Variants in INTS5 observed in about 807,000 individuals in gnomAD.
INTS5 encodes integrator complex subunit 5.
In INTS5, 29 loss-of-function variants were observed where a neutral mutation model predicts 60.0. The observed-to-expected ratio is 0.48, with a 90% confidence interval of 0.36 to 0.66. INTS5 has a LOEUF of 0.66. Ranked by LOEUF, INTS5 falls within the 30% of genes least tolerant of loss-of-function variation. INTS5 has a pLI of 0.00. For synonymous variants in INTS5, 588 were observed against 558.8 expected (o/e 1.05, Z -0.74); for missense variants, 1,129 against 1,307.9 (o/e 0.86, Z 2.11).
At position 62,647,010 on chromosome 11, in the gene INTS5, CAAGAA is replaced by C. The variant is rs1368280451; in HGVS notation, c.*5_*9del. 2 of 1,598,940 alleles carry C rather than the reference CAAGAA, an allele frequency of 1.3e-6. No individual in the cohort carries two copies. Among genetic ancestry groups the C allele is most frequent in the Non-Finnish European group, 1.7e-6 (2 of 1,169,506 alleles). On this transcript the variant is annotated 3_prime_UTR_variant, in exon 2 of 2. Coordinates refer to ENST00000330574, the MANE Select transcript of INTS5 (RefSeq NM_030628.2). ...GCTCAACCTCCCTGGGCTTCCAGAG[CAAGAA>C]AAGGCTACGTCCCCTGTCGAAGGAG...
At position 62,649,119 on chromosome 11, in the gene INTS5, G is replaced by A. The variant is rs1269093126; in HGVS notation, c.961C>T (p.Leu321=). ...CTGCGGCCTCCAGATCCCCCTGCCAGGCTATCATGGAACATTCGCAGGAGC... is the reference window on the plus strand; with the variant it reads ...CTGCGGCCTCCAGATCCCCCTGCCAAGCTATCATGGAACATTCGCAGGAGC... The part of the protein sequence containing the change: ...RELLRMFHDS[L]AGGSGGRSGD... Residue 321 remains leucine, a synonymous_variant, in exon 2 of 2, where the codon CTG becomes TTG. Coordinates refer to ENST00000330574, the MANE Select transcript of INTS5 (RefSeq NM_030628.2). This position sits in a 1 kb window ranked among gnomAD's most constrained non-coding sequence, Gnocchi z 6.0. 1 of 1,611,626 alleles carries A rather than the reference G, an allele frequency of 6.2e-7. No homozygotes were observed. The highest frequency in any genetic ancestry group is 2.2e-5 in the East Asian group (1 of 44,782).
Position 62,648,914 on chromosome 11 carries a change from T to C in INTS5, c.1166A>G (p.Asn389Ser). Residue 389 changes from asparagine (N) to serine (S), a missense_variant, in exon 2 of 2, where the codon AAC becomes AGC. Asn to Ser is a conservative substitution (Grantham distance 46, BLOSUM62 1). Around this residue, in one of 3 missense-constraint regions of INTS5, gnomAD observed 1,070 missense variants for 1,246.1 expected, o/e 0.86. Coordinates refer to ENST00000330574, the MANE Select transcript of INTS5 (RefSeq NM_030628.2). The surrounding 1 kb of genome is among the most constrained non-coding windows in gnomAD (Gnocchi z 4.4). ...FPREELDNML[N>S]LAVHLVSQAS... ...CTGGCTCACCAGGTGCACAGCCAGGTTCAACATGTTGTCCAGCTCCTCTCG... is the reference window on the plus strand; with the variant it reads ...CTGGCTCACCAGGTGCACAGCCAGGCTCAACATGTTGTCCAGCTCCTCTCG... The C allele has an allele frequency of 6.2e-7, 1 of 1,613,220 alleles. No homozygotes were observed. The highest frequency in any genetic ancestry group is 8.5e-7 in the Non-Finnish European group (1 of 1,179,582).
chr11:62,653,133 CGCGCGATGGGGGGAAGGT>C lies in INTS5; in HGVS notation c.80+19_80+36del, dbSNP rs1944609693. The C allele has an allele frequency of 8.3e-7, 1 of 1,202,378 alleles. No homozygotes were observed. The highest frequency in any genetic ancestry group is 1.1e-6 in the Non-Finnish European group (1 of 946,104). 74.5% of individuals were successfully genotyped at this position (1,202,378 alleles called of 1,614,324 possible). A position where few individuals can be genotyped will look rare whatever the true frequency, so the allele number is the denominator to read the frequency against. On this transcript the variant is annotated intron_variant, in intron 1 of 1. Coordinates refer to ENST00000330574, the MANE Select transcript of INTS5 (RefSeq NM_030628.2). ...AGAAGGCTAGGGATCGGCGCGGGGC[CGCGCGATGGGGGGAAGGT>C]GCCAAGGGCTCTAACTACCTGAGAG... is the stretch of plus-strand genomic sequence containing the variant.
rs1258857324 is a variant in INTS5, at chr11:62,649,059, G to A, written c.1021C>T (p.Leu341=). The A allele has an allele frequency of 1.2e-6, 2 of 1,611,416 alleles. No homozygotes were observed. The highest frequency in any genetic ancestry group is 2.7e-5 in the African/African-American group (2 of 74,886). Residue 341 remains leucine, a synonymous_variant, in exon 2 of 2, where the codon CTA becomes TTA. Coordinates refer to ENST00000330574, the MANE Select transcript of INTS5 (RefSeq NM_030628.2). The surrounding 1 kb of genome is among the most constrained non-coding windows in gnomAD (Gnocchi z 6.0). ...GGTGACATGACTGCCAGCTGCAGTAGGAACGGAACCGTGGCCTGAAGGGAG... is the reference window on the plus strand; with the variant it reads ...GGTGACATGACTGCCAGCTGCAGTAAGAACGGAACCGTGGCCTGAAGGGAG... ...DPSLQATVPF[L]LQLAVMSPAL...
chr11:62,652,606 C>T (rs1329368472), intron 1 of INTS5, among the ~76,000 whole-genome samples: 4 of 152,078 alleles, frequency 2.6e-5, no homozygotes, highest in Non-Finnish European at 2.9e-5. Flanking sequence ...CAACCCTTTC[C>T]CTCCTAAAAC....
Position 62,649,187 on chromosome 11 carries a change from A to C in INTS5, c.893T>G (p.Leu298Arg). 6.2e-7 allele frequency: 1 copy of C among 1,613,882 alleles called. No homozygotes were observed. The highest frequency in any genetic ancestry group is 1.1e-5 in the South Asian group (1 of 91,084). ...VPKIASVVGI[L>R]GHLASRHGDS... ...TCCGTGGCGGGAGGCCAGGTGACCTAGGATGCCTACAACTGAGGCAATCTT... is the reference window on the plus strand; with the variant it reads ...TCCGTGGCGGGAGGCCAGGTGACCTCGGATGCCTACAACTGAGGCAATCTT... Residue 298 changes from leucine to arginine, a missense_variant, in exon 2 of 2, where the codon CTA becomes CGA. By Grantham distance (102) the Leu-to-Arg change is moderately radical. Coordinates refer to ENST00000330574, the MANE Select transcript of INTS5 (RefSeq NM_030628.2). The surrounding 1 kb of genome is among the most constrained non-coding windows in gnomAD (Gnocchi z 6.0).
chr11:62,650,052 CT>C, intron 1 of INTS5, 53 bp from the exon 2 acceptor site: 2 of 1,389,310 alleles, frequency 1.4e-6, no homozygotes, highest in Non-Finnish European at 2.0e-6. Flanking sequence ...TGTTAGGCAA[CT>C]TACCTTTCCT....
rs183259236 is a variant in INTS5, at chr11:62,648,367, C to A, written c.1713G>T (p.Thr571=). Residue 571 remains threonine, a synonymous_variant, in exon 2 of 2, where the codon ACG becomes ACT. Transcript: ENST00000330574. This position sits in a 1 kb window ranked among gnomAD's most constrained non-coding sequence, Gnocchi z 4.4. The part of the protein sequence containing the change: ...VHAGTLQPPF[T]ARFLRNLALL... ...GTGCCAAGTTGCGCAGGAACCGGGC[C>A]GTGAAGGGAGGCTGTAATGTCCCTG... 6.2e-7 allele frequency: 1 copy of A among 1,614,036 alleles called. No individual in the cohort carries two copies. The highest frequency in any genetic ancestry group is 8.5e-7 in the Non-Finnish European group (1 of 1,179,982).
Position 62,648,236 on chromosome 11 carries a change from A to G in INTS5, c.1844T>C (p.Leu615Pro), listed in dbSNP as rs762780213. 6.2e-7 allele frequency: 1 copy of G among 1,613,826 alleles called. No homozygotes were observed. The highest frequency in any genetic ancestry group is 1.1e-5 in the South Asian group (1 of 91,086). ...AHLSDLAPLL[L>P]HPEEEVAEAA... Reference sequence around the variant, plus strand: ...TTCAGCTACTTCCTCCTCAGGATGTAGCAGGAGAGGAGCCAGGTCAGACAG... The same window carrying G: ...TTCAGCTACTTCCTCCTCAGGATGTGGCAGGAGAGGAGCCAGGTCAGACAG... The change falls in exon 2 of 2, where the codon CTA becomes CCA. Residue 615 changes from leucine to proline, a missense_variant. Leu to Pro is a moderately conservative substitution (Grantham distance 98). This residue lies in a region of INTS5 where 1,070 missense variants were observed against 1,246.1 expected (regional missense o/e 0.86). Transcript: ENST00000330574. This position sits in a 1 kb window ranked among gnomAD's most constrained non-coding sequence, Gnocchi z 4.4.
chr11:62,648,852 G>A lies in INTS5; in HGVS notation c.1228C>T (p.Leu410=). 6.2e-7 allele frequency: 1 copy of A among 1,614,030 alleles called. No individual in the cohort carries two copies. Among genetic ancestry groups the A allele is most frequent in the Non-Finnish European group, 8.5e-7 (1 of 1,180,036 alleles). The part of the protein sequence containing the change: ...GAGAYRLLQF[L]VDTAMPASVI... Reference sequence around the variant, plus strand: ...GAAGCAGGCATAGCTGTGTCCACCAGGAACTGCAGCAAGCGGTAGGCACCT... The same window carrying A: ...GAAGCAGGCATAGCTGTGTCCACCAAGAACTGCAGCAAGCGGTAGGCACCT... The change falls in exon 2 of 2, where the codon CTG becomes TTG. Residue 410 remains leucine (L), a synonymous_variant. Transcript: ENST00000330574. This position sits in a 1 kb window ranked among gnomAD's most constrained non-coding sequence, Gnocchi z 4.4.
Position 62,648,921 on chromosome 11 carries a change from T to C in INTS5, c.1159A>G (p.Met387Val). 2 of 1,613,156 alleles carry C rather than the reference T, an allele frequency of 1.2e-6. No individual in the cohort carries two copies. Among genetic ancestry groups the C allele is most frequent in the Non-Finnish European group, 1.7e-6 (2 of 1,179,516 alleles). ...QGFPREELDN[M>V]LNLAVHLVSQ... Reference sequence around the variant, plus strand: ...ACCAGGTGCACAGCCAGGTTCAACATGTTGTCCAGCTCCTCTCGGGGGAAT... The same window carrying C: ...ACCAGGTGCACAGCCAGGTTCAACACGTTGTCCAGCTCCTCTCGGGGGAAT... Residue 387 changes from methionine (M) to valine (V), a missense_variant, in exon 2 of 2, where the codon ATG (methionine) becomes GTG (valine). This residue lies in a region of INTS5 where 1,070 missense variants were observed against 1,246.1 expected (regional missense o/e 0.86). Transcript: ENST00000330574. The surrounding 1 kb of genome is among the most constrained non-coding windows in gnomAD (Gnocchi z 4.4).
Position 62,649,301 on chromosome 11 carries a change from G to A in INTS5, c.779C>T (p.Ala260Val). 2 of 1,614,122 alleles carry A rather than the reference G, an allele frequency of 1.2e-6. No homozygotes were observed. The highest frequency in any genetic ancestry group is 1.7e-6 in the Non-Finnish European group (2 of 1,180,014). Residue 260 changes from alanine (A) to valine (V), a missense_variant, in exon 2 of 2, where the codon GCT becomes GTT. Ala to Val is a moderately conservative substitution (Grantham distance 64). Around this residue, in one of 3 missense-constraint regions of INTS5, gnomAD observed 1,070 missense variants for 1,246.1 expected, o/e 0.86. Coordinates refer to ENST00000330574, the MANE Select transcript of INTS5 (RefSeq NM_030628.2). The surrounding 1 kb of genome is among the most constrained non-coding windows in gnomAD (Gnocchi z 6.0). ...FCVHGGAGGG[A>V]GSSGGSSSQT... The stretch of plus-strand genomic sequence containing the variant: ...AGAAGAGCTTCCACCACTACTGCCA[G>A]CTCCACCTCCAGCCCCACCATGGAC...
chr11:62,649,487 G>T lies in INTS5; in HGVS notation c.593C>A (p.Ser198Ter). Reference protein sequence around the residue: ...TLMDIYVQCLSALIGSCPDAC... With the variant: ...TLMDIYVQCL The stretch of plus-strand genomic sequence containing the variant: ...ATCTGGGCAGCTACCAATGAGAGCC[G>T]AGAGGCACTGCACATAGATGTCCAT... Residue 198 changes from serine (S) to a stop codon, truncating the protein, a stop_gained, in exon 2 of 2, where the codon TCG becomes TAG. Transcript: ENST00000330574. LOFTEE classifies it high-confidence loss of function. This position sits in a 1 kb window ranked among gnomAD's most constrained non-coding sequence, Gnocchi z 6.0. The T allele has an allele frequency of 6.2e-7, 1 of 1,614,230 alleles. No individual in the cohort carries two copies. Among genetic ancestry groups the T allele is most frequent in the East Asian group, 2.2e-5 (1 of 44,890 alleles).
rs1346399537 is a variant in INTS5 at position 62,648,427 on chromosome 11, G to A, written c.1653C>T (p.Pro551=). ...GAGCCAGACAGCTTCGGAAAGCCAG[G>A]GGCAGGAGGCCAGAGAGGCTGACCA... ...GLVVSLSGLL[P]LAFRSCLARV... Residue 551 remains proline, a synonymous_variant, in exon 2 of 2, where the codon CCC becomes CCT. Coordinates refer to ENST00000330574, the MANE Select transcript of INTS5 (RefSeq NM_030628.2). The surrounding 1 kb of genome is among the most constrained non-coding windows in gnomAD (Gnocchi z 4.4). 6.2e-7 allele frequency: 1 copy of A among 1,614,204 alleles called. No individual in the cohort carries two copies. The highest frequency in any genetic ancestry group is 8.5e-7 in the Non-Finnish European group (1 of 1,180,040).
In INTS5 at chr11:62,648,729, G is replaced by A. The variant is rs769162631; in HGVS notation, c.1351C>T (p.His451Tyr). 1.6e-5 allele frequency: 26 copies of A among 1,614,084 alleles called. No homozygotes were observed. In the East Asian group the frequency reaches 5.3e-4, roughly 33 times the overall value. The change falls in exon 2 of 2, where the codon CAT becomes TAT. Residue 451 changes from histidine to tyrosine, a missense_variant. Around this residue, in one of 3 missense-constraint regions of INTS5, gnomAD observed 1,070 missense variants for 1,246.1 expected, o/e 0.86. Transcript: ENST00000330574. This position sits in a 1 kb window ranked among gnomAD's most constrained non-coding sequence, Gnocchi z 4.4. Reference protein sequence around the residue: ...LLLLHLQKLVHHRGGSPGEGV... With the variant: ...LLLLHLQKLVYHRGGSPGEGV... ...TCCCCAGGAGACCCTCCCCGGTGAT[G>A]AACCAGTTTTTGCAGGTGCAGCAGC...
rs1383360965 is a variant in INTS5, at chr11:62,649,666, C to T, written c.414G>A (p.Lys138=). The change falls in exon 2 of 2, where the codon AAG becomes AAA. Residue 138 remains lysine, a synonymous_variant. Transcript: ENST00000330574. The surrounding 1 kb of genome is among the most constrained non-coding windows in gnomAD (Gnocchi z 6.0). The part of the protein sequence containing the change: ...VLSEFIRANP[K]AWAPVISAWS... ...ATGCACTAATCACAGGTGCCCAGGCCTTTGGGTTGGCCCGGATAAACTCAG... is the reference window on the plus strand; with the variant it reads ...ATGCACTAATCACAGGTGCCCAGGCTTTTGGGTTGGCCCGGATAAACTCAG... 1.2e-6 allele frequency: 2 copies of T among 1,614,122 alleles called. No homozygotes were observed. The highest frequency in any genetic ancestry group is 8.5e-7 in the Non-Finnish European group (1 of 1,180,056).
At position 62,648,504 on chromosome 11, in the gene INTS5, C is replaced by T. The variant is rs1431658805; in HGVS notation, c.1576G>A (p.Ala526Thr). The T allele has an allele frequency of 1.9e-6, 3 of 1,614,180 alleles. No homozygotes were observed. In the Admixed American group the frequency reaches 5.0e-5, roughly 27 times the overall value. The change falls in exon 2 of 2, where the codon GCC (alanine) becomes ACC (threonine). Residue 526 changes from alanine to threonine, a missense_variant. Ala to Thr is a moderately conservative substitution (Grantham distance 58). Transcript: ENST00000330574. The surrounding 1 kb of genome is among the most constrained non-coding windows in gnomAD (Gnocchi z 4.4). ...AAACTCAACTCTTCAGGGCTTCGGG[C>T]TCGGCTCAGCAGATGGCCCAAGGCC... ...PEALGHLLSR[A>T]RSPEELSLAT...
In INTS5 at chr11:62,648,057, T is replaced by A; in HGVS notation, c.2023A>T (p.Thr675Ser). Reference protein sequence around the residue: ...PGVASACQLLTRLSQTSPAGL... With the variant: ...PGVASACQLLSRLSQTSPAGL... Reference sequence around the variant, plus strand: ...GCTGGGGATGTCTGAGACAGGCGGGTGAGAAGCTGACAGGCTGAGGCCACA... The same window carrying A: ...GCTGGGGATGTCTGAGACAGGCGGGAGAGAAGCTGACAGGCTGAGGCCACA... The change falls in exon 2 of 2, where the codon ACC becomes TCC. Residue 675 changes from threonine (T) to serine (S), a missense_variant. Physicochemically the swap from Thr to Ser is moderately conservative, Grantham distance 58. Around this residue, in one of 3 missense-constraint regions of INTS5, gnomAD observed 1,070 missense variants for 1,246.1 expected, o/e 0.86. Transcript: ENST00000330574. This position sits in a 1 kb window ranked among gnomAD's most constrained non-coding sequence, Gnocchi z 4.4. The A allele has an allele frequency of 2.5e-6, 4 of 1,613,428 alleles. No individual in the cohort carries two copies. Among genetic ancestry groups the A allele is most frequent in the Non-Finnish European group, 3.4e-6 (4 of 1,179,818 alleles).
At position 62,647,674 on chromosome 11, in the gene INTS5, G is replaced by T; in HGVS notation, c.2406C>A (p.Pro802=). 6.2e-7 allele frequency: 1 copy of T among 1,614,098 alleles called. No individual in the cohort carries two copies. The highest frequency in any genetic ancestry group is 8.5e-7 in the Non-Finnish European group (1 of 1,180,046). Residue 802 remains proline, a synonymous_variant, in exon 2 of 2, where the codon CCC becomes CCA. Coordinates refer to ENST00000330574, the MANE Select transcript of INTS5 (RefSeq NM_030628.2). Reference sequence around the variant, plus strand: ...CTTTGGCTGCCTCTGGACTCAAGATGGGTGCCCCCCAGCATTCCCCACATT... The same window carrying T: ...CTTTGGCTGCCTCTGGACTCAAGATTGGTGCCCCCCAGCATTCCCCACATT... ...GTECGECWGA[P]ILSPEAAKAV...
Sources: allele counts gnomAD v4.1 joint callset (sites outside exome capture counted in the v4.1 genomes callset), GRCh38; gene constraint gnomAD v4.1.1; regional missense constraint gnomAD v4.1.1; non-coding constraint Gnocchi (gnomAD v3.1); transcripts MANE v1.5; gene names NCBI Gene and HGNC (gene_info 2026-07-23, HGNC 2026-07-21).